The following CFAP96 variants were observed in gnomAD, a reference collection of about 807,000 sequenced individuals.
CFAP96 encodes the protein cilia and flagella associated protein 96.
chr4:185,437,683 A>C, the CFAP96 span, among the ~76,000 whole-genome samples: 2 of 152,202 alleles, frequency 1.3e-5, no homozygotes, highest in Non-Finnish European at 2.9e-5. Context: ...TACATACTAC[A>C]TAACTACATA....
the CFAP96 span, chr4:185,436,150 A>G: frequency 3.9e-6 from 6 of 1,551,310 alleles, no homozygotes; most frequent in Non-Finnish European, 4.4e-6. Context: ...AAGAATTTAT[A>G]CACAAACCCG....
the CFAP96 span, chr4:185,432,258 T>G: frequency 1.5e-6 from 2 of 1,301,314 alleles, no homozygotes; most frequent in Non-Finnish European, 2.1e-6. Flanking sequence ...ATCCCTAAAT[T>G]AAATATTTGT....
the CFAP96 span, among the ~76,000 whole-genome samples, chr4:185,429,086 G>C: frequency 2.0e-5 from 3 of 152,290 alleles, no homozygotes; most frequent in East Asian, 5.8e-4. Flanking sequence ...TAATCGATGA[G>C]ATCTTGTACA....
chr4:185,414,457 T>C, the CFAP96 span, among the ~76,000 whole-genome samples: 1 of 152,352 alleles, frequency 6.6e-6, no homozygotes, highest in Non-Finnish European at 1.5e-5. Flanking sequence ...TTCTTTATCA[T>C]ATCTTGTACT....
the CFAP96 span, among the ~76,000 whole-genome samples, chr4:185,438,532 G>A: frequency 6.6e-6 from 1 of 152,020 alleles, no homozygotes; most frequent in Admixed American, 6.6e-5. Context: ...ATCTATATTA[G>A]TTCTTGGTTG....
chr4:185,432,740 G>A, the CFAP96 span, among the ~76,000 whole-genome samples: 1 of 152,040 alleles, frequency 6.6e-6, no homozygotes, highest in African/African-American at 2.4e-5. Context: ...CAATGTGCCT[G>A]TAGTCCCAGC....
the CFAP96 span, chr4:185,440,541 A>G: frequency 6.7e-7 from 1 of 1,497,074 alleles, no homozygotes; most frequent in South Asian, 1.3e-5. Flanking sequence ...AATTCACAGA[A>G]AGCGAATGAA....
the CFAP96 span, among the ~76,000 whole-genome samples, chr4:185,424,600 T>C: frequency 4.6e-5 from 7 of 152,210 alleles, no homozygotes; most frequent in Admixed American, 4.6e-4. Flanking sequence ...TCTACCGTTG[T>C]TCATCACAGA....
the CFAP96 span, among the ~76,000 whole-genome samples, chr4:185,424,374 A>G: frequency 0.051 from 7,752 of 152,252 alleles, 245 homozygotes; most frequent in South Asian, 0.089. Context: ...ACTTACTCCA[A>G]TCCTCAGAAC....
At chr4:185,415,689 T>C in the CFAP96 span, 23 of 1,594,976 alleles carry the variant, frequency 1.4e-5, no homozygotes, top group Admixed American at 3.9e-4. Context: ...AATGTGGCAG[T>C]GGTACTATAA....
At chr4:185,413,999 G>T in the CFAP96 span, 1 of 776,196 alleles carries the variant, frequency 1.3e-6, no homozygotes, top group Non-Finnish European at 1.8e-6. Flanking sequence ...AACACTTATG[G>T]TTTAATTCAC....
chr4:185,418,381 C>T, the CFAP96 span: 3 of 1,293,150 alleles, frequency 2.3e-6, no homozygotes, highest in African/African-American at 3.0e-5. Flanking sequence ...AGATTGCACT[C>T]AGTTCCAAAT....
At chr4:185,415,827 G>A in the CFAP96 span, 1 of 1,613,672 alleles carries the variant, frequency 6.2e-7, no homozygotes, top group Admixed American at 1.7e-5. Context: ...TGCCAGGGAG[G>A]TTGACATTTC....
At chr4:185,443,921 CTTTTTTTTTTTTTTT>C in the CFAP96 span, among the ~76,000 whole-genome samples, 27,055 of 82,838 alleles carry the variant, frequency 0.33, 9,256 homozygotes, top group Admixed American at 0.44. Flanking sequence ...CTATATCTTT[CTTTTTTTTTTTTTTT>C]TTTTTTTTTT....
the CFAP96 span, among the ~76,000 whole-genome samples, chr4:185,408,947 A>G: frequency 6.6e-6 from 1 of 152,228 alleles, no homozygotes; most frequent in Admixed American, 6.5e-5. Context: ...TTCAAAGTAT[A>G]TCATGACTTG....
the CFAP96 span, among the ~76,000 whole-genome samples, chr4:185,437,769 A>G: frequency 2.6e-5 from 4 of 152,170 alleles, no homozygotes; most frequent in East Asian, 7.7e-4. Context: ...TTTCTCTCTT[A>G]ACAGAAAAAG....
the CFAP96 span, among the ~76,000 whole-genome samples, chr4:185,447,273 C>G: frequency 6.6e-6 from 1 of 151,936 alleles, no homozygotes; most frequent in Non-Finnish European, 1.5e-5. Context: ...GCTCCACCTG[C>G]CGGGTTCACG....
the CFAP96 span, among the ~76,000 whole-genome samples, chr4:185,423,971 AAATG>A: frequency 5.9e-5 from 9 of 152,290 alleles, no homozygotes; most frequent in Middle Eastern, 3.4e-3. Flanking sequence ...ATTTTGAAAT[AAATG>A]AATAAGTACT....
At chr4:185,432,696 C>G in the CFAP96 span, among the ~76,000 whole-genome samples, 1 of 151,974 alleles carries the variant, frequency 6.6e-6, no homozygotes, top group African/African-American at 2.4e-5. Flanking sequence ...GACCCCATCT[C>G]TACAAAAGTT....
Sources: allele counts gnomAD v4.1 joint callset (sites outside exome capture counted in the v4.1 genomes callset), GRCh38; gene constraint gnomAD v4.1.1; transcripts MANE v1.5; gene names NCBI Gene and HGNC (gene_info 2026-07-23, HGNC 2026-07-21).